The following RGSL1 variants were observed in gnomAD, a reference collection of about 807,000 sequenced individuals.
RGSL1 encodes regulator of G protein signaling protein-like.
A neutral mutation model predicts 124.7 loss-of-function variants in RGSL1; 97 were observed. The ratio of observed to expected loss-of-function variants is 0.78; its 90% CI spans 0.66 to 0.92. The LOEUF (loss-of-function observed/expected upper bound fraction) is 0.92, where lower values mean the gene tolerates loss of function less well. Ranked by LOEUF, RGSL1 falls within the 40% of genes least tolerant of loss-of-function variation. The pLI is 0.00. For missense variants in RGSL1, 1,233 were observed against 1,288.4 expected (o/e 0.96, Z 0.66); for synonymous variants, 424 against 438.1 (o/e 0.97, Z 0.40).
Position 182,458,341 on chromosome 1 carries a change from A to C in RGSL1, c.119A>C (p.Tyr40Ser). Residue 40 changes from tyrosine to serine, a missense_variant, in exon 3 of 22, where the codon TAT (tyrosine) becomes TCT (serine). Tyr to Ser is a moderately radical substitution (Grantham distance 144). Coordinates refer to ENST00000294854, the MANE Select transcript of RGSL1 (RefSeq NM_001137669.2). ...SLPVFGQTPF[Y>S]TVENSQWSLW... Reference sequence around the variant, plus strand: ...CAGGTTTTTGGTCAGACACCATTTTATACTGTTGAAAATTCACAGTGGAGC... The same window carrying C: ...CAGGTTTTTGGTCAGACACCATTTTCTACTGTTGAAAATTCACAGTGGAGC... The C allele has an allele frequency of 6.4e-7, 1 of 1,552,142 alleles. No homozygotes were observed. Among genetic ancestry groups the C allele is most frequent in the Non-Finnish European group, 8.7e-7 (1 of 1,147,056 alleles).
In RGSL1 at chr1:182,540,212, A is replaced by T. The variant is rs1189596888; in HGVS notation, c.2495-35A>T. The stretch of plus-strand genomic sequence containing the variant: ...GTTGAGGGTAAGAGTGACTTGATCA[A>T]ACAAAATTGTAATTCCTTCTTCTTT... On this transcript the variant is annotated intron_variant, in intron 14 of 21. Transcript: ENST00000294854. The T allele has an allele frequency of 4.6e-6, 7 of 1,515,698 alleles. No homozygotes were observed. The South Asian group carries it at 6.4e-5, about 14-fold the overall frequency. 93.9% of individuals were successfully genotyped at this position (1,515,698 alleles called of 1,614,324 possible).
At position 182,542,445 on chromosome 1, in the gene RGSL1, C is replaced by T. The variant is rs1659954129; in HGVS notation, c.2669+2024C>T. 2.0e-5 allele frequency among the ~76,000 whole-genome samples: 3 copies of T among 152,274 alleles called. No homozygotes were observed. In the South Asian group the frequency reaches 6.2e-4, roughly 32 times the overall value. On this transcript the variant is annotated intron_variant, in intron 15 of 21. Transcript: ENST00000294854. ...TATGTGTCTGTTTTTATGCCAGCAC[C>T]ATGCTGATTTCGTTACTATAGCTTT...
intron 11 of RGSL1, among the ~76,000 whole-genome samples, chr1:182,528,648 T>C (rs1658935686): frequency 6.6e-6 from 1 of 152,168 alleles, no homozygotes; most frequent in African/African-American, 2.4e-5. Context: ...TCCAAAATGA[T>C]TTCCTTTGAC....
intron 1 of RGSL1, chr1:182,450,463 T>C (rs1571442779): frequency 2.0e-6 from 1 of 504,146 alleles, no homozygotes. Flanking sequence ...AGAAGACTGG[T>C]ATGGGGTTTG....
At chr1:182,518,363 G>C (rs544808220) in intron 9 of RGSL1, among the ~76,000 whole-genome samples, 2 of 152,310 alleles carry the variant, frequency 1.3e-5, no homozygotes, top group South Asian at 4.1e-4. Flanking sequence ...GGATCTCAAA[G>C]GGAATATCCT....
At chr1:182,466,145 T>C (rs1215915211) in intron 4 of RGSL1, among the ~76,000 whole-genome samples, 2 of 151,612 alleles carry the variant, frequency 1.3e-5, no homozygotes, top group Admixed American at 6.6e-5. Flanking sequence ...TCCAACGAAC[T>C]AGGATTAAGA....
chr1:182,458,118 T>G (rs1213894245), intron 2 of RGSL1, among the ~76,000 whole-genome samples: 2 of 152,078 alleles, frequency 1.3e-5, no homozygotes, highest in Non-Finnish European at 2.9e-5. Context: ...AAAAGATGAG[T>G]GAATCGTGCA....
At chr1:182,458,275 G>A (rs1652515710) in intron 2 of RGSL1, 44 bp from the exon 3 acceptor site, 36 of 1,438,208 alleles carry the variant, frequency 2.5e-5, no homozygotes, top group Non-Finnish European at 3.4e-5. Flanking sequence ...TATACATGAA[G>A]AGAAGCTCTA....
chr1:182,458,461 T>C, intron 3 of RGSL1, 68 bp downstream of exon 3: 1 of 1,330,460 alleles, frequency 7.5e-7, no homozygotes, highest in South Asian at 1.3e-5. Context: ...TGTTTTTTGT[T>C]GTTAATTTGT....
chr1:182,494,625 T>C (rs1558306428), intron 9 of RGSL1, among the ~76,000 whole-genome samples: 1 of 152,234 alleles, frequency 6.6e-6, no homozygotes, highest in South Asian at 2.1e-4. Flanking sequence ...AGTAAGTCTC[T>C]GATACTGATG....
chr1:182,514,990 C>T (rs1183215943), intron 9 of RGSL1, among the ~76,000 whole-genome samples: 1 of 152,180 alleles, frequency 6.6e-6, no homozygotes, highest in African/African-American at 2.4e-5. Flanking sequence ...AGAAGTGTCC[C>T]TCATTTCCCT....
intron 9 of RGSL1, among the ~76,000 whole-genome samples, chr1:182,514,743 AG>A (rs1657729137): frequency 6.6e-6 from 1 of 152,210 alleles, no homozygotes; most frequent in African/African-American, 2.4e-5. Flanking sequence ...GAAGCTGGAT[AG>A]GACCTTTCTA....
intron 9 of RGSL1, among the ~76,000 whole-genome samples, chr1:182,512,675 C>T (rs1479138552): frequency 6.6e-6 from 1 of 152,176 alleles, no homozygotes; most frequent in African/African-American, 2.4e-5. Flanking sequence ...ACTCTTTGTA[C>T]CTGGGTTCTT....
intron 21 of RGSL1, among the ~76,000 whole-genome samples, chr1:182,558,063 G>GAAGGAAGA (rs1660964351): frequency 6.6e-6 from 1 of 151,912 alleles, no homozygotes. Context: ...AAGAAGGAAG[G>GAAGGAAGA]AAGGAAGGAA....
intron 8 of RGSL1, among the ~76,000 whole-genome samples, chr1:182,489,860 T>C (rs953560773): frequency 6.6e-6 from 1 of 152,242 alleles, no homozygotes; most frequent in Non-Finnish European, 1.5e-5. Flanking sequence ...TAGTACAATG[T>C]TTGACAATCA....
At chr1:182,554,568 T>C in intron 19 of RGSL1, 59 bp from the exon 20 acceptor site, 2 of 1,479,332 alleles carry the variant, frequency 1.4e-6, no homozygotes, top group Non-Finnish European at 1.8e-6. Flanking sequence ...TGGAGGCCTT[T>C]CAGTGACTGC....
At chr1:182,507,512 A>C (rs1345486221) in intron 9 of RGSL1, among the ~76,000 whole-genome samples, 2 of 152,176 alleles carry the variant, frequency 1.3e-5, no homozygotes, top group African/African-American at 4.8e-5. Flanking sequence ...TATTTCACGT[A>C]ACATAGTGAC....
chr1:182,488,147 T>C (rs576959174), intron 6 of RGSL1, 138 bp from the exon 7 acceptor site: 919 of 747,254 alleles, frequency 1.2e-3, no homozygotes, highest in Non-Finnish European at 1.7e-3. Context: ...TCATAGCTAA[T>C]GTTTGCTGTT....
In RGSL1 at chr1:182,473,859, A is replaced by T; in HGVS notation, c.748A>T (p.Lys250Ter). ...HHFQKRYSSR[K>*]AKRKMWQLVD... ...CTTTCAGAAACGGTACTCAAGCAGG[A>T]AAGCCAAGAGGAAGATGTGGCAATT... is the stretch of plus-strand genomic sequence containing the variant. Residue 250 changes from lysine to a stop codon, truncating the protein, a stop_gained, in exon 6 of 22, where the codon AAA becomes TAA. Coordinates refer to ENST00000294854, the MANE Select transcript of RGSL1 (RefSeq NM_001137669.2). LOFTEE classifies it high-confidence loss of function. 1 of 1,551,822 alleles carries T rather than the reference A, an allele frequency of 6.4e-7. No individual in the cohort carries two copies. The highest frequency in any genetic ancestry group is 8.7e-7 in the Non-Finnish European group (1 of 1,147,020).
Sources: gnomAD v4.1 joint callset for allele counts (sites outside exome capture counted in the v4.1 genomes callset) on GRCh38, gnomAD v4.1.1 for gene constraint, MANE v1.5 for transcripts, NCBI Gene and HGNC (gene_info 2026-07-23, HGNC 2026-07-21) for gene names.